PTPRR: variants seen among roughly 807,000 people sequenced by gnomAD.
The protein encoded by PTPRR is protein tyrosine phosphatase receptor type R.
A neutral mutation model predicts 77.2 loss-of-function variants in PTPRR; 38 were observed. The observed-to-expected ratio is 0.49, with a 90% confidence interval of 0.38 to 0.65. PTPRR has a LOEUF of 0.65. PTPRR is among the 30% of genes least tolerant of loss of function. The pLI is 0.00. For synonymous variants in PTPRR, 299 were observed against 283.1 expected (o/e 1.06, Z -0.57); for missense variants, 744 against 799.2 (o/e 0.93, Z 0.83).
At chr12:70,794,137 C>T (rs998257837) in intron 2 of PTPRR, among the ~76,000 whole-genome samples, 4 of 152,090 alleles carry the variant, frequency 2.6e-5, no homozygotes, top group African/African-American at 9.7e-5. Context: ...CCATAGACAA[C>T]AGATGAAAAT....
chr12:70,908,130 G>T (rs1414040725), intron 1 of PTPRR, among the ~76,000 whole-genome samples: 1 of 151,798 alleles, frequency 6.6e-6, no homozygotes, highest in Non-Finnish European at 1.5e-5. Context: ...CCAATTTTAA[G>T]ACAAAGGAAA....
At chr12:70,805,946 C>T (rs555966124) in intron 2 of PTPRR, among the ~76,000 whole-genome samples, 1 of 152,120 alleles carries the variant, frequency 6.6e-6, no homozygotes, top group South Asian at 2.1e-4. Flanking sequence ...GGGTCTTGGC[C>T]AGAAACAGAA....
chr12:70,824,285 A>T (rs184632515), intron 2 of PTPRR, among the ~76,000 whole-genome samples: 2 of 152,310 alleles, frequency 1.3e-5, no homozygotes, highest in Admixed American at 6.5e-5. Context: ...ACCATATAGT[A>T]ATCACTTAAC....
chr12:70,877,677 G>C (rs1355243038), intron 2 of PTPRR, among the ~76,000 whole-genome samples: 1 of 152,076 alleles, frequency 6.6e-6, no homozygotes, highest in Admixed American at 6.6e-5. Flanking sequence ...TACTGCCCAA[G>C]GTAATTTATA....
intron 1 of PTPRR, among the ~76,000 whole-genome samples, chr12:70,907,896 G>C (rs1893645437): frequency 6.6e-6 from 1 of 152,136 alleles, no homozygotes; most frequent in Non-Finnish European, 1.5e-5. Flanking sequence ...TCTGGGAAAA[G>C]GCAGAAAAAT....
chr12:70,884,114 A>T (rs1157943303), intron 2 of PTPRR, among the ~76,000 whole-genome samples: 1 of 152,178 alleles, frequency 6.6e-6, no homozygotes. Context: ...CAGGGAGAGA[A>T]CCTTCTAGGG....
At chr12:70,785,663 T>C (rs938771250) in intron 2 of PTPRR, among the ~76,000 whole-genome samples, 2 of 152,220 alleles carry the variant, frequency 1.3e-5, no homozygotes, top group South Asian at 4.1e-4. Context: ...CTATGCTTTG[T>C]GACTTCATGT....
intron 2 of PTPRR, among the ~76,000 whole-genome samples, chr12:70,808,394 C>T (rs372971039): frequency 3.3e-5 from 5 of 152,238 alleles, no homozygotes; most frequent in African/African-American, 1.2e-4. Flanking sequence ...GTGACCCACA[C>T]CCTATTTGTA....
At chr12:70,655,798 A>G (rs1421355454) in intron 13 of PTPRR, among the ~76,000 whole-genome samples, 1 of 152,232 alleles carries the variant, frequency 6.6e-6, no homozygotes, top group African/African-American at 2.4e-5. Context: ...ACAGAATTCC[A>G]GAGATTGGTT....
chr12:70,821,662 G>A (rs954135467), intron 2 of PTPRR, among the ~76,000 whole-genome samples: 4 of 150,854 alleles, frequency 2.7e-5, no homozygotes, highest in African/African-American at 4.9e-5. Context: ...ATGTATGTAC[G>A]TATGTATTTA....
At chr12:70,910,130 C>T (rs1312785490) in intron 1 of PTPRR, among the ~76,000 whole-genome samples, 1 of 151,866 alleles carries the variant, frequency 6.6e-6, no homozygotes, top group Non-Finnish European at 1.5e-5. Flanking sequence ...TATATTGCAG[C>T]TATAGGAAAT....
Position 70,656,260 on chromosome 12 carries a change from T to C in PTPRR, c.1880+444A>G, listed in dbSNP as rs563162500. Among the ~76,000 whole-genome samples, 3 of 152,136 alleles carry C rather than the reference T, an allele frequency of 2.0e-5. No individual in the cohort carries two copies. In the South Asian group the frequency reaches 6.2e-4, roughly 32 times the overall value. On this transcript the variant is annotated intron_variant, in intron 13 of 13. Transcript: ENST00000283228. ...ATAAATAACTTCAGGCCAGGCATGG[T>C]GGCTCATGCCTGTAATCTCAGCGCT...
intron 6 of PTPRR, among the ~76,000 whole-genome samples, chr12:70,720,605 G>C (rs955222737): frequency 6.7e-6 from 1 of 149,618 alleles, no homozygotes; most frequent in African/African-American, 2.5e-5. Flanking sequence ...TCCAACTCCC[G>C]GGTTCAAGCG....
rs183839818 is a variant in PTPRR at position 70,813,490 on chromosome 12, A to G, written c.358-48712T>C. ...CAACAATTTTCTAAATACCATGCAT[A>G]TTGTGTTTCTTGAAATGTGAGAAGT... On this transcript the variant is annotated intron_variant, in intron 2 of 13. Transcript: ENST00000283228. Among the ~76,000 whole-genome samples the G allele has an allele frequency of 2.6e-5, 4 of 152,304 alleles. No individual in the cohort carries two copies. The East Asian group carries it at 7.7e-4, about 29-fold the overall frequency.
chr12:70,823,055 AAC>A (rs1374521349), intron 2 of PTPRR, among the ~76,000 whole-genome samples: 8 of 147,350 alleles, frequency 5.4e-5, no homozygotes, highest in Non-Finnish European at 8.9e-5. Flanking sequence ...TTCCCTCAGC[AAC>A]ACAAAGTTCT....
chr12:70,746,738 C>A (rs558799927), intron 5 of PTPRR, among the ~76,000 whole-genome samples: 6 of 151,812 alleles, frequency 4.0e-5, no homozygotes, highest in African/African-American at 1.2e-4. Flanking sequence ...GTTGCCCAAG[C>A]GAAAGTGCAG....
At chr12:70,904,534 G>T (rs754899036) in intron 1 of PTPRR, among the ~76,000 whole-genome samples, 42 of 151,854 alleles carry the variant, frequency 2.8e-4, no homozygotes, top group Non-Finnish European at 3.8e-4. Flanking sequence ...TGGTTATTTG[G>T]GTGTAGGAGT....
chr12:70,880,720 A>G (rs1398825498), intron 2 of PTPRR, among the ~76,000 whole-genome samples: 1 of 152,188 alleles, frequency 6.6e-6, no homozygotes, highest in Non-Finnish European at 1.5e-5. Context: ...AGGAGCAAGA[A>G]TTCAGTGTCC....
At chr12:70,821,663 T>C (rs973941211) in intron 2 of PTPRR, among the ~76,000 whole-genome samples, 3 of 151,516 alleles carry the variant, frequency 2.0e-5, no homozygotes, top group African/African-American at 7.3e-5. Context: ...TGTATGTACG[T>C]ATGTATTTAT....
Sources: allele counts gnomAD v4.1 joint callset (sites outside exome capture counted in the v4.1 genomes callset), GRCh38; gene constraint gnomAD v4.1.1; transcripts MANE v1.5; gene names NCBI Gene and HGNC (gene_info 2026-07-23, HGNC 2026-07-21).